ZFHX3: variants seen among roughly 807,000 people sequenced by gnomAD.
ZFHX3 encodes zinc finger homeobox 3.
Under a neutral mutation model 279.1 loss-of-function variants are expected in ZFHX3, and 42 were observed. The observed-to-expected ratio is 0.15, with a 90% CI of 0.12 to 0.19. The LOEUF (loss-of-function observed/expected upper bound fraction) is 0.19. Among genes scored for constraint, ZFHX3 ranks in the 10% least tolerant of loss-of-function variants. The pLI is 1.00. For missense variants in ZFHX3, 4,981 were observed against 4,754.0 expected (o/e 1.05, Z -1.40); for synonymous variants, 2,293 against 1,957.8 (o/e 1.17, Z -4.52).
intron 1 of ZFHX3, among the ~76,000 whole-genome samples, chr16:73,777,829 T>C (rs1275252781): frequency 6.6e-6 from 1 of 152,140 alleles, no homozygotes; most frequent in East Asian, 1.9e-4. Context: ...TGCCAACAAC[T>C]GCAAGAATCA....
At chr16:73,439,909 C>CAAAAAA (rs71156164) in intron 3 of ZFHX3, among the ~76,000 whole-genome samples, 2 of 75,430 alleles carry the variant, frequency 2.7e-5, no homozygotes, top group Non-Finnish European at 2.2e-5. Context: ...GGGAGAGGGA[C>CAAAAAA]AAAAAAAAAA....
chr16:72,868,419 C>A (rs2038076570), intron 4 of ZFHX3, among the ~76,000 whole-genome samples: 1 of 152,194 alleles, frequency 6.6e-6, no homozygotes. Context: ...TTAAGTGTCT[C>A]ACTCTAACCT....
At chr16:73,790,823 A>G (rs898994886) in intron 1 of ZFHX3, among the ~76,000 whole-genome samples, 1 of 152,218 alleles carries the variant, frequency 6.6e-6, no homozygotes, top group Non-Finnish European at 1.5e-5. Context: ...CTGGAAAATG[A>G]GAAACTCAAG....
At chr16:73,529,996 T>C (rs2019769052) in intron 2 of ZFHX3, among the ~76,000 whole-genome samples, 1 of 152,144 alleles carries the variant, frequency 6.6e-6, no homozygotes, top group African/African-American at 2.4e-5. Context: ...AATGTATCGC[T>C]TGTGTCCTTG....
chr16:72,787,109 T>TTGTTATTAATTTTTGTATTTAAATTC lies in ZFHX3; in HGVS notation c.*29_*54dup. 7.5e-7 allele frequency: 1 copy of TTGTTATTAATTTTTGTATTTAAATTC among 1,336,378 alleles called. No individual in the cohort carries two copies. The allele number at this position is 1,336,378 out of a possible 1,614,324, so 82.8% of individuals were successfully genotyped here. A position where few individuals can be genotyped will look rare whatever the true frequency, so the allele number is the denominator to read the frequency against. On this transcript the variant is annotated 3_prime_UTR_variant, in exon 10 of 10. Coordinates refer to ENST00000268489, the MANE Select transcript of ZFHX3 (RefSeq NM_006885.4). ...CAGTTAGTCTATTTTTGAAATTGGT[T>TTGTTATTAATTTTTGTATTTAAATTC]TGTTATTAATTTTTGTATTTAAATT...
rs533733195 is a variant in ZFHX3, at chr16:73,201,228, G to A, written c.-1104+55819C>T. ...CTGTCCCCTTGGGGTATTTATGCTG[G>A]TGGATGTGAGTTTGGGCTGCCAGGG... On this transcript the variant is annotated intron_variant, in intron 5 of 17. Transcript: ENST00000641206. 2.0e-5 allele frequency among the ~76,000 whole-genome samples: 3 copies of A among 152,270 alleles called. 1 individual carries two copies. The South Asian group carries it at 6.2e-4, about 32-fold the overall frequency.
chr16:73,430,840 T>C (rs2017897047), intron 3 of ZFHX3, among the ~76,000 whole-genome samples: 1 of 152,220 alleles, frequency 6.6e-6, no homozygotes, highest in African/African-American at 2.4e-5. Context: ...GTGACCCACT[T>C]AGCCCAAAAA....
At chr16:73,406,600 A>G (rs537139405) in intron 3 of ZFHX3, among the ~76,000 whole-genome samples, 101 of 152,224 alleles carry the variant, frequency 6.6e-4, no homozygotes, top group South Asian at 1.9e-3. Context: ...TTACATAGAT[A>G]CTTAGCTACA....
chr16:73,271,957 C>T (rs1042977785), intron 4 of ZFHX3, among the ~76,000 whole-genome samples: 3 of 152,188 alleles, frequency 2.0e-5, no homozygotes, highest in African/African-American at 7.2e-5. Flanking sequence ...GCAACAATGT[C>T]ATCATCCACA....
chr16:73,321,849 C>CAGAG (rs140029593), intron 3 of ZFHX3, among the ~76,000 whole-genome samples: 60,501 of 150,854 alleles, frequency 0.4, 13,721 homozygotes, highest in Non-Finnish European at 0.53. Context: ...GAGAAAAAGA[C>CAGAG]AGAGAGAGAG....
chr16:73,056,287 C>T (rs1965554510), intron 1 of ZFHX3, among the ~76,000 whole-genome samples: 1 of 152,182 alleles, frequency 6.6e-6, no homozygotes, highest in South Asian at 2.1e-4. Flanking sequence ...TCTCTCTTCT[C>T]ATACACACAC....
intron 4 of ZFHX3, among the ~76,000 whole-genome samples, chr16:72,880,845 A>G (rs1254198267): frequency 6.6e-6 from 1 of 152,238 alleles, no homozygotes; most frequent in Non-Finnish European, 1.5e-5. Flanking sequence ...CACTCTGAAA[A>G]ACACATCTTT....
intron 1 of ZFHX3, among the ~76,000 whole-genome samples, chr16:73,804,894 A>AGAGG (rs1374592875): frequency 3.5e-5 from 3 of 84,964 alleles, no homozygotes; most frequent in Non-Finnish European, 4.2e-5. Context: ...CCCACACCAA[A>AGAGG]GAGGGAGGGA....
At chr16:73,174,355 C>A (rs1967611747) in intron 5 of ZFHX3, among the ~76,000 whole-genome samples, 1 of 152,120 alleles carries the variant, frequency 6.6e-6, no homozygotes, top group African/African-American at 2.4e-5. Context: ...AGGCAACGGG[C>A]ATTTAAGTTT....
intron 2 of ZFHX3, among the ~76,000 whole-genome samples, chr16:73,535,718 CT>C (rs1348638680): frequency 1.7e-5 from 2 of 120,252 alleles, no homozygotes; most frequent in African/African-American, 6.5e-5. Flanking sequence ...TATGTGCCCC[CT>C]ATCTTTTTTT....
intron 3 of ZFHX3, among the ~76,000 whole-genome samples, chr16:73,448,103 G>A (rs534501280): frequency 1.3e-5 from 2 of 152,262 alleles, no homozygotes; most frequent in South Asian, 4.2e-4. Flanking sequence ...TGTGGGGGCA[G>A]GGGGCAGGGG....
chr16:73,829,278 G>A (rs1248289359), intron 1 of ZFHX3, among the ~76,000 whole-genome samples: 1 of 105,926 alleles, frequency 9.4e-6, no homozygotes, highest in Non-Finnish European at 1.7e-5. Context: ...GCACTTCTCT[G>A]TATTAGTTAT....
chr16:73,039,701 A>C (rs1965042767), intron 1 of ZFHX3, among the ~76,000 whole-genome samples: 1 of 151,992 alleles, frequency 6.6e-6, no homozygotes, highest in Non-Finnish European at 1.5e-5. Flanking sequence ...CTCTTTTTTT[A>C]TTTTTTTATT....
Position 72,959,879 on chromosome 16 carries a change from G to A in ZFHX3, c.267C>T (p.Ala89=), listed in dbSNP as rs2144457488. ...VTCNECSASF[A]SLQTYMEHHC... The stretch of plus-strand genomic sequence containing the variant: ...GGTGCTCCATGTAGGTCTGGAGGCT[G>A]GCAAAGGAGGCCGAACATTCGTTGC... The change falls in exon 2 of 10, where the codon GCC becomes GCT. Residue 89 remains alanine, a synonymous_variant. Transcript: ENST00000268489. 1 of 1,603,086 alleles carries A rather than the reference G, an allele frequency of 6.2e-7. No homozygotes were observed. Among genetic ancestry groups the A allele is most frequent in the Non-Finnish European group, 8.5e-7 (1 of 1,173,610 alleles).
Sources: gnomAD v4.1 joint callset for allele counts (sites outside exome capture counted in the v4.1 genomes callset) on GRCh38, gnomAD v4.1.1 for gene constraint, MANE v1.5 for transcripts, NCBI Gene and HGNC (gene_info 2026-07-23, HGNC 2026-07-21) for gene names.